PSKH1: variants seen among roughly 807,000 people sequenced by gnomAD.
PSKH1 encodes the protein protein serine kinase H1, also known as serine/threonine-protein kinase H1.
Under a neutral mutation model 26.7 loss-of-function variants are expected in PSKH1, and 12 were observed. The observed-to-expected ratio is 0.45, with a 90% CI of 0.29 to 0.73. PSKH1 has a LOEUF of 0.73. Among genes scored for constraint, PSKH1 ranks in the 30% least tolerant of loss-of-function variants. The pLI, the probability that PSKH1 is intolerant of heterozygous loss-of-function variation, is 0.11. For synonymous variants in PSKH1, 213 were observed against 234.3 expected (o/e 0.91, Z 0.83); for missense variants, 431 against 595.2 (o/e 0.72, Z 2.87).
chr16:67,919,127 G>C (rs1263971392), intron 2 of PSKH1, among the ~76,000 whole-genome samples: 1 of 152,186 alleles, frequency 6.6e-6, no homozygotes, highest in Non-Finnish European at 1.5e-5. Context: ...GCGCTGTCCG[G>C]GTGTCTGGAG....
At chr16:67,914,175 G>A (rs1056341019) in intron 2 of PSKH1, among the ~76,000 whole-genome samples, 3 of 151,950 alleles carry the variant, frequency 2.0e-5, no homozygotes, top group Non-Finnish European at 2.9e-5. Context: ...TTGAGATGGA[G>A]TTTCGCTCTT....
chr16:67,912,801 G>A (rs758308841), intron 2 of PSKH1, among the ~76,000 whole-genome samples: 2 of 151,862 alleles, frequency 1.3e-5, no homozygotes, highest in Non-Finnish European at 2.9e-5. Context: ...CCATGAGGCA[G>A]AGGTTGCAGT....
chr16:67,903,245 C>G (rs543429635), intron 1 of PSKH1: 1 of 152,054 alleles, frequency 6.6e-6, no homozygotes, highest in East Asian at 1.9e-4. Flanking sequence ...ACCTCTTGGA[C>G]TGAAGCAGAT....
At chr16:67,918,859 T>C (rs969907781) in intron 2 of PSKH1, among the ~76,000 whole-genome samples, 4 of 152,172 alleles carry the variant, frequency 2.6e-5, no homozygotes, top group African/African-American at 9.7e-5. Context: ...CCCAAAGTGC[T>C]GGGATTACAG....
At chr16:67,893,592 G>T (rs1481384554) in intron 1 of PSKH1, among the ~76,000 whole-genome samples, 1 of 152,242 alleles carries the variant, frequency 6.6e-6, no homozygotes, top group African/African-American at 2.4e-5. Flanking sequence ...GTGCTGTCGT[G>T]CTGGATAGCC....
chr16:67,909,721 C>A lies in PSKH1; in HGVS notation c.957+15C>A. The A allele has an allele frequency of 6.2e-7, 1 of 1,602,732 alleles. No individual in the cohort carries two copies. On this transcript the variant is annotated intron_variant, in intron 2 of 2. Transcript: ENST00000291041. This position sits in a 1 kb window ranked among gnomAD's most constrained non-coding sequence, Gnocchi z 7.8. ...ACTCTGGGGAGGTGAGTCTGTCCTG[C>A]CCCTGTCCTGGATGTTGGGGAGGCA... is the stretch of plus-strand genomic sequence containing the variant.
chr16:67,916,176 G>C (rs1446760433), intron 2 of PSKH1, among the ~76,000 whole-genome samples: 1 of 152,230 alleles, frequency 6.6e-6, no homozygotes, highest in East Asian at 1.9e-4. Context: ...ACCTGTGAGA[G>C]AGAGAGTGTT....
rs570571625 is a variant in PSKH1, at chr16:67,909,150, G to A, written c.401G>A (p.Arg134Gln). ...ATCAAGATGATTGAGACCAAGTACC[G>A]GGAGGGGCGGGAGGTGTGTGAGTCG... ...YAIKMIETKYREGREVCESEL... is the reference protein window; with the variant it reads ...YAIKMIETKYQEGREVCESEL... Residue 134 changes from arginine (R) to glutamine (Q), a missense_variant, in exon 2 of 3, where the codon CGG becomes CAG. Transcript: ENST00000291041. The surrounding 1 kb of genome is among the most constrained non-coding windows in gnomAD (Gnocchi z 7.8). 6.8e-6 allele frequency: 11 copies of A among 1,614,154 alleles called. No homozygotes were observed. Among genetic ancestry groups the A allele is most frequent in the African/African-American group, 2.7e-5 (2 of 75,030 alleles).
At chr16:67,923,691 TCAGCCAACTGA>T (rs2058209121) in intron 2 of PSKH1, among the ~76,000 whole-genome samples, 1 of 152,270 alleles carries the variant, frequency 6.6e-6, no homozygotes, top group African/African-American at 2.4e-5. Context: ...GTGCCATCTG[TCAGCCAACTGA>T]GGCCATGTGT....
chr16:67,907,024 CAG>C (rs2058157910), intron 1 of PSKH1, among the ~76,000 whole-genome samples: 1 of 151,484 alleles, frequency 6.6e-6, no homozygotes, highest in Non-Finnish European at 1.5e-5. Flanking sequence ...AGTGCAGTGG[CAG>C]GATCTCGGCT....
intron 2 of PSKH1, among the ~76,000 whole-genome samples, chr16:67,919,248 C>T (rs1045901415): frequency 4.6e-5 from 7 of 152,210 alleles, no homozygotes; most frequent in Non-Finnish European, 8.8e-5. Flanking sequence ...CCTGACTTTT[C>T]TCACCTTCAG....
chr16:67,909,825 C>A lies in PSKH1; in HGVS notation c.957+119C>A. 1.1e-6 allele frequency: 1 copy of A among 927,516 alleles called. No homozygotes were observed. Among genetic ancestry groups the A allele is most frequent in the Non-Finnish European group, 1.6e-6 (1 of 619,600 alleles). The allele number at this position is 927,516 out of a possible 1,614,324, so 57.5% of individuals were successfully genotyped here. On this transcript the variant is annotated intron_variant, in intron 2 of 2. Transcript: ENST00000291041. The surrounding 1 kb of genome is among the most constrained non-coding windows in gnomAD (Gnocchi z 7.8). ...CCATGCTCGTGAGGGCCAGGCAGGT[C>A]ATATAAAAGGGACAAAGTGAGACTA... is the stretch of plus-strand genomic sequence containing the variant.
chr16:67,915,358 A>T (rs1181450443), intron 2 of PSKH1, among the ~76,000 whole-genome samples: 1 of 152,022 alleles, frequency 6.6e-6, no homozygotes, highest in African/African-American at 2.4e-5. Context: ...ATCTGTGACC[A>T]GGAGCTTGCC....
At chr16:67,913,235 C>T (rs1340003667) in intron 2 of PSKH1, among the ~76,000 whole-genome samples, 1 of 151,990 alleles carries the variant, frequency 6.6e-6, no homozygotes, top group East Asian at 2.0e-4. Flanking sequence ...CAGCTTCCGC[C>T]TCTCAGGTTC....
rs193192365 is a variant in PSKH1 at position 67,904,446 on chromosome 16, C to T, written c.-70-4234C>T. 5.9e-3 allele frequency among the ~76,000 whole-genome samples: 904 copies of T among 152,050 alleles called. 16 individuals are homozygous for T. Among genetic ancestry groups the T allele is most frequent in the African/African-American group, 0.021 (857 of 41,418 alleles). On this transcript the variant is annotated intron_variant, in intron 1 of 2. Coordinates refer to ENST00000291041, the MANE Select transcript of PSKH1 (RefSeq NM_006742.3). ...GTCTCGAACTCCTGACCTTGTGATC[C>T]GCCCACCTCGGCCTCCCATAGTGCT...
chr16:67,927,271 A>G lies in PSKH1; in HGVS notation c.958-54A>G. 1 of 1,523,564 alleles carries G rather than the reference A, an allele frequency of 6.6e-7. No homozygotes were observed. Among genetic ancestry groups the G allele is most frequent in the Non-Finnish European group, 8.9e-7 (1 of 1,121,826 alleles). The allele number at this position is 1,523,564 out of a possible 1,614,324, so 94.4% of individuals were successfully genotyped here. A position where few individuals can be genotyped will look rare whatever the true frequency, so the allele number is the denominator to read the frequency against. ...GTTGCTGAGTAGTGGCCTCATCCAG[A>G]TGGGGTGGGCAGTGTCAGATGCTCT... On this transcript the variant is annotated intron_variant, in intron 2 of 2. Transcript: ENST00000291041. The surrounding 1 kb of genome is among the most constrained non-coding windows in gnomAD (Gnocchi z 5.5).
intron 2 of PSKH1, among the ~76,000 whole-genome samples, chr16:67,918,367 G>A (rs2058193273): frequency 2.6e-5 from 4 of 151,946 alleles, no homozygotes; most frequent in Admixed American, 2.6e-4. Flanking sequence ...GGAACAGGTG[G>A]GCTTGGGTAG....
chr16:67,894,968 C>G (rs1344277728), intron 1 of PSKH1, among the ~76,000 whole-genome samples: 1 of 149,398 alleles, frequency 6.7e-6, no homozygotes, highest in Non-Finnish European at 1.5e-5. Flanking sequence ...TCTTTTTGCC[C>G]AGGCTGGAGC....
chr16:67,898,196 G>A (rs901207324), intron 1 of PSKH1, among the ~76,000 whole-genome samples: 2 of 152,112 alleles, frequency 1.3e-5, no homozygotes, highest in African/African-American at 2.4e-5. Context: ...GGCCAAGACA[G>A]GCAGATCACT....
Sources: gnomAD v4.1 joint callset for allele counts (sites outside exome capture counted in the v4.1 genomes callset) on GRCh38, gnomAD v4.1.1 for gene constraint, Gnocchi (gnomAD v3.1) non-coding constraint, MANE v1.5 for transcripts, NCBI Gene and HGNC (gene_info 2026-07-23, HGNC 2026-07-21) for gene names.